Variants in CBLN2 observed in about 807,000 individuals in gnomAD.
CBLN2 encodes the protein cerebellin 2 precursor, also known as cerebellin-2.
CBLN2 carries 7 observed loss-of-function variants against 15.0 expected under a neutral mutation model. The observed-to-expected ratio is 0.47, with a 90% CI of 0.27 to 0.88. CBLN2 has a LOEUF of 0.88. CBLN2 is among the 40% of genes least tolerant of loss of function. CBLN2 has a pLI of 0.14. For missense variants in CBLN2, 242 were observed against 304.5 expected (o/e 0.79, Z 1.53); for synonymous variants, 149 against 135.2 (o/e 1.10, Z -0.71).
chr18:72,600,804 C>T (rs2069542934), intron 1 of CBLN2, among the ~76,000 whole-genome samples: 1 of 152,070 alleles, frequency 6.6e-6, no homozygotes, highest in Non-Finnish European at 1.5e-5. Context: ...GGCTAAAGAA[C>T]TGGGAACATT....
chr18:72,546,432 G>C (rs1054838081), upstream of CBLN2, among the ~76,000 whole-genome samples: 5 of 149,500 alleles, frequency 3.3e-5, no homozygotes, highest in East Asian at 2.0e-4. Flanking sequence ...AGAGCGAGAC[G>C]CTCTCTCTCA....
chr18:72,589,461 C>G (rs2069464795), intron 1 of CBLN2, among the ~76,000 whole-genome samples: 2 of 152,266 alleles, frequency 1.3e-5, no homozygotes, highest in Non-Finnish European at 2.9e-5. Flanking sequence ...GCCACAGATA[C>G]AGTTAGCATA....
intron 1 of CBLN2, among the ~76,000 whole-genome samples, chr18:72,638,007 G>A (rs773008408): frequency 3.9e-5 from 6 of 152,188 alleles, no homozygotes; most frequent in Non-Finnish European, 8.8e-5. Context: ...TCCCAAGACT[G>A]TGGTAGGAAA....
At chr18:72,552,051 G>A (rs930494833) in intron 1 of CBLN2, among the ~76,000 whole-genome samples, 2 of 148,400 alleles carry the variant, frequency 1.3e-5, no homozygotes, top group African/African-American at 4.9e-5. Context: ...TTTTGTCAGC[G>A]TTTTCTGAAT....
Position 72,536,872 on chromosome 18 carries a change from T to C in CBLN2, c.*1304A>G, listed in dbSNP as rs902494178. The C allele has an allele frequency of 1.3e-4, 20 of 152,646 alleles. 1 individual carries two copies. The highest frequency in any genetic ancestry group is 5.9e-5 in the Non-Finnish European group (4 of 68,048). 9.5% of individuals were successfully genotyped at this position (152,646 alleles called of 1,614,324 possible). On this transcript the variant is annotated 3_prime_UTR_variant, in exon 5 of 5. Coordinates refer to ENST00000269503, the MANE Select transcript of CBLN2 (RefSeq NM_182511.4). ...ACTCTCAGCTGTGTCTTAATAATGT[T>C]GTACGAGATGCCAAAACAAGAAGGA...
intron 1 of CBLN2, among the ~76,000 whole-genome samples, chr18:72,585,113 A>T (rs563398528): frequency 1.3e-5 from 2 of 152,322 alleles, no homozygotes; most frequent in Admixed American, 6.5e-5. Flanking sequence ...GGAACCACAG[A>T]GCCCCAAAAA....
At chr18:72,545,875 T>C (rs182044040), upstream of CBLN2, among the ~76,000 whole-genome samples, 13 of 152,306 alleles carry the variant, frequency 8.5e-5, 1 homozygote, top group East Asian at 2.5e-3. Flanking sequence ...CAAGCACACA[T>C]GAACTATCGT....
Position 72,538,228 on chromosome 18 carries a change from A to C in CBLN2, c.623T>G (p.Met208Arg). The C allele has an allele frequency of 1.9e-6, 3 of 1,614,032 alleles. No homozygotes were observed. Among genetic ancestry groups the C allele is most frequent in the Non-Finnish European group, 2.5e-6 (3 of 1,179,994 alleles). Residue 208 changes from methionine (M) to arginine (R), a missense_variant, in exon 5 of 5, where the codon ATG (methionine) becomes AGG (arginine). By Grantham distance (91) the Met-to-Arg change is moderately conservative. Around this residue, in one of 4 missense-constraint regions of CBLN2, gnomAD observed 31 missense variants for 36.3 expected, o/e 0.86. Coordinates refer to ENST00000269503, the MANE Select transcript of CBLN2 (RefSeq NM_182511.4). ...GAATGTGGAGTATTTCCAGCCCCCCATGAGGTTGCCTCTCTCAAGTTTGAG... is the reference window on the plus strand; with the variant it reads ...GAATGTGGAGTATTTCCAGCCCCCCCTGAGGTTGCCTCTCTCAAGTTTGAG... Reference protein sequence around the residue: ...VHLKLERGNLMGGWKYSTFSG... With the variant: ...VHLKLERGNLRGGWKYSTFSG...
chr18:72,573,252 T>C (rs1166239383), intron 1 of CBLN2, among the ~76,000 whole-genome samples: 1 of 152,224 alleles, frequency 6.6e-6, no homozygotes, highest in Non-Finnish European at 1.5e-5. Context: ...GCAAGAAATA[T>C]TAGTTATTTG....
intron 1 of CBLN2, among the ~76,000 whole-genome samples, chr18:72,570,528 G>A (rs1194402868): frequency 2.6e-5 from 4 of 151,904 alleles, no homozygotes; most frequent in East Asian, 3.9e-4. Flanking sequence ...GATTACAGGC[G>A]TGAGCCACTG....
chr18:72,623,234 C>A (rs2069712943), intron 1 of CBLN2, among the ~76,000 whole-genome samples: 1 of 152,130 alleles, frequency 6.6e-6, no homozygotes, highest in Non-Finnish European at 1.5e-5. Flanking sequence ...CTGGAGATTA[C>A]AATTTGACAT....
At chr18:72,547,767 G>A (rs1466336928), upstream of CBLN2, among the ~76,000 whole-genome samples, 1 of 152,108 alleles carries the variant, frequency 6.6e-6, no homozygotes, top group Admixed American at 6.5e-5. Flanking sequence ...ATATATCAAT[G>A]TGTATTTCCT....
intron 1 of CBLN2, among the ~76,000 whole-genome samples, chr18:72,559,141 A>G (rs554228042): frequency 2.6e-5 from 4 of 152,108 alleles, no homozygotes; most frequent in Non-Finnish European, 5.9e-5. Flanking sequence ...GCCCACCAGC[A>G]CTCCCCAGGT....
At chr18:72,539,109 T>A (rs1278404720) in intron 3 of CBLN2, 1 of 228,764 alleles carries the variant, frequency 4.4e-6, no homozygotes, top group Non-Finnish European at 8.9e-6. Flanking sequence ...GTTAAACAAA[T>A]CCTAAATTGA....
intron 1 of CBLN2, among the ~76,000 whole-genome samples, chr18:72,610,889 T>G (rs2069617326): frequency 6.6e-6 from 1 of 152,154 alleles, no homozygotes; most frequent in African/African-American, 2.4e-5. Flanking sequence ...TTTCAACCCT[T>G]ACCTCCCTTC....
chr18:72,600,025 C>T (rs1314077336), intron 1 of CBLN2, among the ~76,000 whole-genome samples: 3 of 152,152 alleles, frequency 2.0e-5, no homozygotes, highest in South Asian at 2.1e-4. Context: ...AGCCAAGCAC[C>T]GCCTGTGGTT....
In CBLN2 at chr18:72,541,790, G is replaced by A. The variant is rs1041577430; in HGVS notation, c.357+14C>T. On this transcript the variant is annotated intron_variant, in intron 3 of 4. Coordinates refer to ENST00000269503, the MANE Select transcript of CBLN2 (RefSeq NM_182511.4). ...CCCCGGGCTGGGGGCGGGGTGGGCA[G>A]GCCGACGGCTGACCTGGTCGAAATA... is the stretch of plus-strand genomic sequence containing the variant. The A allele has an allele frequency of 2.0e-6, 3 of 1,517,202 alleles. No homozygotes were observed. The highest frequency in any genetic ancestry group is 1.4e-5 in the African/African-American group (1 of 71,648). 94.0% of individuals were successfully genotyped at this position (1,517,202 alleles called of 1,614,324 possible).
chr18:72,631,939 T>G (rs555005607), intron 1 of CBLN2, among the ~76,000 whole-genome samples: 19 of 152,282 alleles, frequency 1.2e-4, no homozygotes, highest in Non-Finnish European at 2.4e-4. Flanking sequence ...GATTTTGATG[T>G]ACTAAAATAT....
intron 1 of CBLN2, among the ~76,000 whole-genome samples, chr18:72,553,539 T>C (rs1193296441): frequency 6.6e-6 from 1 of 152,154 alleles, no homozygotes; most frequent in African/African-American, 2.4e-5. Flanking sequence ...ATATTACAAA[T>C]GTGTGCATAT....
Sources: allele counts gnomAD v4.1 joint callset (sites outside exome capture counted in the v4.1 genomes callset), GRCh38; gene constraint gnomAD v4.1.1; regional missense constraint gnomAD v4.1.1; transcripts MANE v1.5; gene names NCBI Gene and HGNC (gene_info 2026-07-23, HGNC 2026-07-21).